Variants in B3GALNT2 observed in about 807,000 individuals in gnomAD.
The protein encoded by B3GALNT2 is beta-1,3-N-acetylgalactosaminyltransferase 2, also known as UDP-GalNAc:beta-1,3-N-acetylgalactosaminyltransferase 2.
B3GALNT2 carries 53 observed loss-of-function variants against 61.1 expected under a neutral mutation model. The ratio of observed to expected loss-of-function variants is 0.87; its 90% CI spans 0.70 to 1.09. B3GALNT2 has a LOEUF of 1.09. B3GALNT2 is among the 50% of genes least tolerant of loss of function. The pLI is 0.00. For missense variants in B3GALNT2, 544 were observed against 623.0 expected (o/e 0.87, Z 1.35); for synonymous variants, 223 against 237.4 (o/e 0.94, Z 0.56).
chr1:235,459,415 G>A (rs1683313554), intron 7 of B3GALNT2, among the ~76,000 whole-genome samples: 1 of 152,136 alleles, frequency 6.6e-6, no homozygotes, highest in Admixed American at 6.6e-5. Flanking sequence ...TTAAGCCCAG[G>A]AGTTTGAGAT....
At chr1:235,487,324 T>C (rs1231624761) in intron 3 of B3GALNT2, among the ~76,000 whole-genome samples, 1 of 152,236 alleles carries the variant, frequency 6.6e-6, no homozygotes, top group African/African-American at 2.4e-5. Context: ...GTCCAATTTA[T>C]TTAAAAAGCT....
At chr1:235,494,900 T>C in intron 1 of B3GALNT2, 72 bp from the exon 2 acceptor site, 1 of 1,320,426 alleles carries the variant, frequency 7.6e-7, no homozygotes, top group Non-Finnish European at 1.0e-6. Flanking sequence ...GTATCATAAG[T>C]TTATTACAAA....
intron 8 of B3GALNT2, among the ~76,000 whole-genome samples, chr1:235,457,111 A>T (rs1166264359): frequency 2.0e-5 from 3 of 149,358 alleles, no homozygotes; most frequent in African/African-American, 4.9e-5. Context: ...TTTCTATTAA[A>T]AAATAAATAA....
intron 7 of B3GALNT2, 150 bp downstream of exon 7, chr1:235,465,486 C>A: frequency 1.6e-6 from 2 of 1,215,652 alleles, no homozygotes; most frequent in Non-Finnish European, 2.2e-6. Context: ...TCTAAGAATA[C>A]ACTAAAACCA....
At position 235,465,317 on chromosome 1, in the gene B3GALNT2, G is replaced by C. The variant is rs560346381; in HGVS notation, c.841+319C>G. 7.7e-4 allele frequency: 199 copies of C among 257,540 alleles called. 2 individuals are homozygous for C. Among genetic ancestry groups the C allele is most frequent in the African/African-American group, 4.2e-3 (183 of 43,872 alleles). The allele number at this position is 257,540 out of a possible 1,614,324, so 16.0% of individuals were successfully genotyped here. ...AACTGACACACAGAGTACGTACTGT[G>C]CATTTCCATTTATGTGAAATGTTCA... On this transcript the variant is annotated intron_variant, in intron 7 of 11. Transcript: ENST00000366600.
intron 1 of B3GALNT2, among the ~76,000 whole-genome samples, chr1:235,495,155 A>C (rs1008874106): frequency 6.6e-6 from 1 of 152,248 alleles, no homozygotes; most frequent in Non-Finnish European, 1.5e-5. Flanking sequence ...TTAAGAGTCA[A>C]TTAGGCCACA....
chr1:235,442,777 T>C, downstream of B3GALNT2: 2 of 1,429,204 alleles, frequency 1.4e-6, no homozygotes, highest in Non-Finnish European at 9.7e-7. Context: ...TTTGGCCATC[T>C]GTTGATGTGT....
Position 235,500,002 on chromosome 1 carries a change from A to C in B3GALNT2, c.112+4139T>G, listed in dbSNP as rs562523286. Among the ~76,000 whole-genome samples, 32 of 152,338 alleles carry C rather than the reference A, an allele frequency of 2.1e-4. No homozygotes were observed. The South Asian group carries it at 2.5e-3, about 12-fold the overall frequency. On this transcript the variant is annotated intron_variant, in intron 1 of 11. Transcript: ENST00000366600. ...GATTTTAGTTTCTACAGCTAGCCTC[A>C]GGTGAGAATGCAAGGCCAGAGAGAG...
rs1206085179 is a variant in B3GALNT2 at position 235,447,991 on chromosome 1, A to ACGAGGTCAGGAGTTC, written c.*2200_*2214dup. Among the ~76,000 whole-genome samples the ACGAGGTCAGGAGTTC allele has an allele frequency of 6.6e-6, 1 of 152,052 alleles. No homozygotes were observed. Among genetic ancestry groups the ACGAGGTCAGGAGTTC allele is most frequent in the Non-Finnish European group, 1.5e-5 (1 of 68,002 alleles). On this transcript the variant is annotated 3_prime_UTR_variant, in exon 12 of 12. Transcript: ENST00000366600. ...TTTGGGGGGCCAGGGCGGGCGGATCACGAGGTCAGGAGTTCAAGACCAGCC... is the reference window on the plus strand; with the variant it reads ...TTTGGGGGGCCAGGGCGGGCGGATCACGAGGTCAGGAGTTCCGAGGTCAGGAGTTCAAGACCAGCC...
intron 2 of B3GALNT2, among the ~76,000 whole-genome samples, chr1:235,491,197 G>T (rs932072818): frequency 1.2e-4 from 18 of 151,820 alleles, no homozygotes; most frequent in Non-Finnish European, 2.5e-4. Context: ...TATCTTAGTT[G>T]TCACTTTAGT....
intron 3 of B3GALNT2, among the ~76,000 whole-genome samples, chr1:235,485,844 T>C (rs758904259): frequency 1.3e-5 from 2 of 152,324 alleles, no homozygotes; most frequent in Non-Finnish European, 2.9e-5. Context: ...TGAGTCTATA[T>C]ATTCAGTATT....
intron 2 of B3GALNT2, among the ~76,000 whole-genome samples, chr1:235,490,962 A>G (rs1013212014): frequency 2.6e-5 from 4 of 152,236 alleles, no homozygotes; most frequent in Non-Finnish European, 5.9e-5. Context: ...AATAATACAA[A>G]TAAGGGTTTG....
chr1:235,460,012 C>T (rs1196992806), intron 7 of B3GALNT2, among the ~76,000 whole-genome samples: 4 of 152,058 alleles, frequency 2.6e-5, no homozygotes, highest in African/African-American at 7.2e-5. Flanking sequence ...CAGCTGGTCT[C>T]GAACTCCTGA....
chr1:235,439,903 G>A, the B3GALNT2 span, among the ~76,000 whole-genome samples: 1,109 of 152,200 alleles, frequency 7.3e-3, 10 homozygotes, highest in African/African-American at 0.026. Context: ...CTGGGTTCAA[G>A]TGATTCTCCT....
intron 5 of B3GALNT2, among the ~76,000 whole-genome samples, chr1:235,474,950 CATATATATATATATATAT>C (rs1159752267): frequency 0.023 from 903 of 39,374 alleles, 52 homozygotes; most frequent in Non-Finnish European, 0.034. Context: ...AAATTAGAGA[CATATATATATATATATAT>C]ATATATATAT....
intron 3 of B3GALNT2, among the ~76,000 whole-genome samples, chr1:235,488,133 T>G (rs147189436): frequency 3.0e-4 from 46 of 152,316 alleles, no homozygotes; most frequent in African/African-American, 7.7e-4. Flanking sequence ...TTTTACTATT[T>G]TTTCTTTTAC....
intron 9 of B3GALNT2, among the ~76,000 whole-genome samples, chr1:235,455,167 G>C (rs189929131): frequency 6.6e-6 from 1 of 152,072 alleles, no homozygotes; most frequent in Non-Finnish European, 1.5e-5. Flanking sequence ...TGTTGCCCAG[G>C]CTGGAGTGCA....
At chr1:235,473,517 A>G (rs1016080781) in intron 5 of B3GALNT2, among the ~76,000 whole-genome samples, 8 of 152,212 alleles carry the variant, frequency 5.3e-5, no homozygotes, top group African/African-American at 1.4e-4. Context: ...ACAGGCGATG[A>G]GAACAGATGG....
intron 5 of B3GALNT2, among the ~76,000 whole-genome samples, chr1:235,474,973 ATATATATATATATATTT>A (rs1469231509): frequency 4.4e-4 from 13 of 29,782 alleles, no homozygotes; most frequent in South Asian, 1.4e-3. Context: ...ATATATATAT[ATATATATATATATATTT>A]TTTTTTTTTT....
Sources: allele counts gnomAD v4.1 joint callset (sites outside exome capture counted in the v4.1 genomes callset), GRCh38; gene constraint gnomAD v4.1.1; transcripts MANE v1.5; gene names NCBI Gene and HGNC (gene_info 2026-07-23, HGNC 2026-07-21).